ANKHD1: variants seen among roughly 807,000 people sequenced by gnomAD.
ANKHD1 encodes ankyrin repeat and KH domain containing 1.
ANKHD1 carries 31 observed loss-of-function variants against 230.5 expected under a neutral mutation model. The ratio of observed to expected loss-of-function variants is 0.13; its 90% confidence interval spans 0.10 to 0.18. ANKHD1 has a LOEUF of 0.18. Ranked by LOEUF, ANKHD1 falls within the 10% of genes least tolerant of loss-of-function variation. The pLI, the probability that ANKHD1 is intolerant of heterozygous loss-of-function variation, is 1.00. For synonymous variants in ANKHD1, 1,074 were observed against 1,117.6 expected, an observed-to-expected ratio of 0.96 and a Z score of 0.78; for missense variants, 2,256 against 3,071.3, an observed-to-expected ratio of 0.73 and a Z score of 6.27.
chr5:140,477,270 A>C (rs1008402863), intron 10 of ANKHD1, among the ~76,000 whole-genome samples: 7 of 152,254 alleles, frequency 4.6e-5, no homozygotes, highest in African/African-American at 1.7e-4. Context: ...TAAAACTGCA[A>C]AATTGCAAGA....
At chr5:140,468,006 G>A (rs980390831) in intron 10 of ANKHD1, among the ~76,000 whole-genome samples, 1 of 145,518 alleles carries the variant, frequency 6.9e-6, no homozygotes, top group Non-Finnish European at 1.5e-5. Context: ...TTCATTCCTG[G>A]CATCTCATAG....
At chr5:140,426,939 A>G (rs1285123505) in intron 1 of ANKHD1, among the ~76,000 whole-genome samples, 1 of 152,204 alleles carries the variant, frequency 6.6e-6, no homozygotes, top group Non-Finnish European at 1.5e-5. Flanking sequence ...CACGGCAACC[A>G]TCCGATTTCT....
intron 15 of ANKHD1, among the ~76,000 whole-genome samples, chr5:140,501,942 C>T (rs1312180211): frequency 1.3e-5 from 2 of 151,574 alleles, no homozygotes; most frequent in African/African-American, 2.4e-5. Context: ...GACTCTGCAC[C>T]TGTAATCCTA....
At chr5:140,436,745 GAAA>G (rs1170599052) in intron 2 of ANKHD1, among the ~76,000 whole-genome samples, 1 of 99,996 alleles carries the variant, frequency 1.0e-5, no homozygotes. Flanking sequence ...GACTCCGTCT[GAAA>G]AAAAAAAAAA....
chr5:140,453,114 A>G (rs887427963), intron 7 of ANKHD1, among the ~76,000 whole-genome samples: 2 of 152,244 alleles, frequency 1.3e-5, no homozygotes, highest in African/African-American at 4.8e-5. Context: ...AAGAAAGGGT[A>G]TCAGTGATTG....
At chr5:140,438,200 A>G (rs927846752) in intron 2 of ANKHD1, among the ~76,000 whole-genome samples, 3 of 152,190 alleles carry the variant, frequency 2.0e-5, no homozygotes, top group South Asian at 2.1e-4. Flanking sequence ...ATGAAGTTAC[A>G]TGTGGATTAG....
At chr5:140,455,204 A>G (rs561858290) in intron 7 of ANKHD1, among the ~76,000 whole-genome samples, 1 of 152,354 alleles carries the variant, frequency 6.6e-6, no homozygotes, top group South Asian at 2.1e-4. Flanking sequence ...ACAGGCTCTG[A>G]AATTGAGGCA....
intron 7 of ANKHD1, among the ~76,000 whole-genome samples, chr5:140,452,010 G>C (rs1207959304): frequency 6.6e-6 from 1 of 152,122 alleles, no homozygotes; most frequent in East Asian, 1.9e-4. Flanking sequence ...CCCAGCATGA[G>C]CGACGCATGA....
At chr5:140,406,018 T>C (rs2126835033) in intron 1 of ANKHD1, among the ~76,000 whole-genome samples, 1 of 152,044 alleles carries the variant, frequency 6.6e-6, no homozygotes, top group African/African-American at 2.4e-5. Context: ...GGCGGGTGGA[T>C]CAGCTGAGGT....
intron 1 of ANKHD1, among the ~76,000 whole-genome samples, chr5:140,423,297 A>C (rs1772143132): frequency 6.6e-6 from 1 of 152,170 alleles, no homozygotes; most frequent in Admixed American, 6.5e-5. Context: ...GCATCACCTC[A>C]TTTAATTTTC....
intron 10 of ANKHD1, among the ~76,000 whole-genome samples, chr5:140,480,807 T>C (rs1751238994): frequency 1.3e-5 from 2 of 152,118 alleles, no homozygotes; most frequent in Admixed American, 1.3e-4. Context: ...CTCCATTGTT[T>C]AAGCATTATG....
At chr5:140,526,849 C>G (rs1753628843) in intron 26 of ANKHD1, 79 bp from the exon 27 acceptor site, 2 of 1,471,114 alleles carry the variant, frequency 1.4e-6, no homozygotes, top group Non-Finnish European at 1.8e-6. Context: ...CAGCGTAACT[C>G]TGGCTATAAA....
intron 1 of ANKHD1, among the ~76,000 whole-genome samples, chr5:140,420,921 A>G (rs1026690141): frequency 1.3e-5 from 2 of 151,934 alleles, no homozygotes; most frequent in African/African-American, 4.8e-5. Flanking sequence ...AAATGATTCA[A>G]CCCCCTCCTT....
chr5:140,519,399 G>A (rs978965238), intron 24 of ANKHD1, among the ~76,000 whole-genome samples: 1 of 152,178 alleles, frequency 6.6e-6, no homozygotes, highest in Admixed American at 6.5e-5. Context: ...AGCTACCAAT[G>A]ACTTTCTTCA....
chr5:140,489,963 T>C (rs774757871), intron 14 of ANKHD1, among the ~76,000 whole-genome samples: 8 of 152,156 alleles, frequency 5.3e-5, no homozygotes, highest in Non-Finnish European at 1.2e-4. Flanking sequence ...TTAGGAAAAA[T>C]CATTTAATTA....
In ANKHD1 at chr5:140,496,557, A is replaced by T. The variant is rs1420699281; in HGVS notation, c.2283A>T (p.Ala761=). 6.2e-7 allele frequency: 1 copy of T among 1,605,280 alleles called. No homozygotes were observed. Among genetic ancestry groups the T allele is most frequent in the Non-Finnish European group, 8.5e-7 (1 of 1,178,002 alleles). The change falls in exon 15 of 34, where the codon GCA becomes GCT. Residue 761 remains alanine (A), a synonymous_variant. Coordinates refer to ENST00000360839, the MANE Select transcript of ANKHD1 (RefSeq NM_017747.3). ...AGAAGTCCAGTTCCCTCCAGGTAGC[A>T]GATCAGGACCTACTGCCATCTTTTC... ...SKQKSSSLQV[A]DQDLLPSFHP...
At position 140,509,727 on chromosome 5, in the gene ANKHD1, C is replaced by A. The variant is rs200829092; in HGVS notation, c.3856C>A (p.Pro1286Thr). The part of the protein sequence containing the change: ...LLDKGADVNA[P>T]PVPSSRDTAL... The stretch of plus-strand genomic sequence containing the variant: ...TGATAAAGGAGCAGATGTTAATGCT[C>A]CCCCTGTGCCTTCCTCAAGAGATAC... The change falls in exon 21 of 34, where the codon CCC (proline) becomes ACC (threonine). Residue 1286 changes from proline to threonine, a missense_variant. By Grantham distance (38) the Pro-to-Thr change is conservative. Coordinates refer to ENST00000360839, the MANE Select transcript of ANKHD1 (RefSeq NM_017747.3). The A allele has an allele frequency of 5.0e-5, 81 of 1,613,266 alleles. 1 individual carries two copies. The Admixed American group carries it at 8.9e-4, about 18-fold the overall frequency.
intron 1 of ANKHD1, among the ~76,000 whole-genome samples, chr5:140,414,082 A>C (rs114323247): frequency 1.3e-5 from 2 of 152,108 alleles, no homozygotes; most frequent in African/African-American, 2.4e-5. Context: ...TGCCCGGTCT[A>C]TCTGTTCATC....
intron 14 of ANKHD1, among the ~76,000 whole-genome samples, chr5:140,488,185 T>G (rs936048772): frequency 6.6e-6 from 1 of 152,224 alleles, no homozygotes; most frequent in African/African-American, 2.4e-5. Flanking sequence ...AGTAAAATAT[T>G]TAAAGCTAAA....
Sources: allele counts gnomAD v4.1 joint callset (sites outside exome capture counted in the v4.1 genomes callset), GRCh38; gene constraint gnomAD v4.1.1; transcripts MANE v1.5; gene names NCBI Gene and HGNC (gene_info 2026-07-23, HGNC 2026-07-21).